NAV1: variants seen among roughly 807,000 people sequenced by gnomAD.
NAV1 encodes the protein neuron navigator 1, also known as pore membrane and/or filament interacting like protein 3.
Under a neutral mutation model 175.2 loss-of-function variants are expected in NAV1, and 18 were observed. The observed-to-expected ratio is 0.10, with a 90% CI of 0.07 to 0.15. The LOEUF is 0.15. NAV1 is among the 10% of genes least tolerant of loss of function. The pLI is 1.00. For synonymous variants in NAV1, 897 were observed against 978.7 expected (o/e 0.92, Z 1.56); for missense variants, 1,731 against 2,436.6 (o/e 0.71, Z 6.10).
chr1:201,667,994 C>T (rs539281552), intron 1 of NAV1, among the ~76,000 whole-genome samples: 1 of 152,306 alleles, frequency 6.6e-6, no homozygotes, highest in South Asian at 2.1e-4. Flanking sequence ...GGCCATAGGC[C>T]CCAGGAAATT....
intron 3 of NAV1, among the ~76,000 whole-genome samples, chr1:201,758,342 G>C (rs549601152): frequency 4.7e-4 from 71 of 152,300 alleles, no homozygotes; most frequent in Non-Finnish European, 8.4e-4. Context: ...TCATATTTAA[G>C]GAAGTACACT....
At chr1:201,678,314 G>A (rs191973379) in intron 1 of NAV1, among the ~76,000 whole-genome samples, 1 of 152,230 alleles carries the variant, frequency 6.6e-6, no homozygotes, top group Non-Finnish European at 1.5e-5. Context: ...TTTCCTGAAA[G>A]CTGCTGATAG....
At chr1:201,719,362 AC>A (rs1672274093) in intron 3 of NAV1, 1 of 152,124 alleles carries the variant, frequency 6.6e-6, no homozygotes, top group East Asian at 2.0e-4. Context: ...TCCTGTGCAA[AC>A]CTTCTACCAA....
intron 1 of NAV1, among the ~76,000 whole-genome samples, chr1:201,693,981 C>T (rs1038954358): frequency 2.0e-4 from 31 of 152,212 alleles, no homozygotes; most frequent in Admixed American, 2.6e-4. Flanking sequence ...CCCCCGGCCT[C>T]CAGCCAGGGC....
intron 2 of NAV1, among the ~76,000 whole-genome samples, chr1:201,635,810 C>T (rs1668603695): frequency 6.6e-6 from 1 of 152,172 alleles, no homozygotes; most frequent in East Asian, 1.9e-4. Flanking sequence ...CTAGGAAATC[C>T]CAACCCCTTG....
chr1:201,571,046 C>G (rs1666527946), intron 1 of NAV1, among the ~76,000 whole-genome samples: 1 of 152,256 alleles, frequency 6.6e-6, no homozygotes, highest in South Asian at 2.1e-4. Flanking sequence ...TTGTCCCTGC[C>G]AAGGGCTGTA....
chr1:201,692,001 G>A (rs1039316405), intron 1 of NAV1, among the ~76,000 whole-genome samples: 4 of 152,144 alleles, frequency 2.6e-5, no homozygotes, highest in Non-Finnish European at 1.5e-5. Context: ...CATTCTTCAC[G>A]CTTTGTGTGT....
chr1:201,651,265 A>T (rs535092956), intron 1 of NAV1, among the ~76,000 whole-genome samples: 27 of 152,012 alleles, frequency 1.8e-4, no homozygotes, highest in Middle Eastern at 3.4e-3. Flanking sequence ...CTTGTTGGGG[A>T]TAACTTAGCT....
chr1:201,744,300 CTATGTATG>C (rs145244423), intron 3 of NAV1, among the ~76,000 whole-genome samples: 3,525 of 150,790 alleles, frequency 0.023, 158 homozygotes, highest in African/African-American at 0.082. Flanking sequence ...GAGCTGACGG[CTATGTATG>C]TATGTATGTA....
chr1:201,731,944 G>C (rs1672876482), intron 3 of NAV1, among the ~76,000 whole-genome samples: 1 of 152,194 alleles, frequency 6.6e-6, no homozygotes, highest in South Asian at 2.1e-4. Flanking sequence ...TCATGCTGGA[G>C]TGAACTTTCC....
At chr1:201,650,501 C>G (rs1400435117) in intron 1 of NAV1, among the ~76,000 whole-genome samples, 1 of 152,192 alleles carries the variant, frequency 6.6e-6, no homozygotes, top group Non-Finnish European at 1.5e-5. Flanking sequence ...ACCCGAGCTT[C>G]CTGGGTACCC....
intron 3 of NAV1, among the ~76,000 whole-genome samples, chr1:201,736,477 T>G (rs1673117827): frequency 6.6e-6 from 1 of 152,160 alleles, no homozygotes; most frequent in African/African-American, 2.4e-5. Context: ...CCATAAACTA[T>G]CTTTCGATGT....
chr1:201,639,016 G>A (rs988006277), intron 2 of NAV1, among the ~76,000 whole-genome samples: 3 of 152,242 alleles, frequency 2.0e-5, no homozygotes, highest in Admixed American at 6.5e-5. Context: ...GCAGAGCGGT[G>A]TGCGATGGGG....
chr1:201,648,654 C>T, exon 1 of NAV1: 2 of 1,377,102 alleles, frequency 1.5e-6, no homozygotes, highest in Non-Finnish European at 1.9e-6. Context: ...CGTCCATGCG[C>T]TCCTCGCGGG....
chr1:201,799,782 C>T (rs1347030913), intron 15 of NAV1, among the ~76,000 whole-genome samples: 1 of 151,664 alleles, frequency 6.6e-6, no homozygotes, highest in Non-Finnish European at 1.5e-5. Context: ...ATTGCTTGAA[C>T]CTGGGAGGCA....
In NAV1 at chr1:201,808,937, C is replaced by T; in HGVS notation, c.4207+66C>T. 6.5e-7 allele frequency: 1 copy of T among 1,545,358 alleles called. No individual in the cohort carries two copies. Among genetic ancestry groups the T allele is most frequent in the East Asian group, 2.3e-5 (1 of 44,414 alleles). ...AAAAGGGCTTATTTCACTGTTACACCATTCCACTTGCTTTGGTCAGGGCGG... is the reference window on the plus strand; with the variant it reads ...AAAAGGGCTTATTTCACTGTTACACTATTCCACTTGCTTTGGTCAGGGCGG... On this transcript the variant is annotated intron_variant, in intron 20 of 29. Transcript: ENST00000367296. This position sits in a 1 kb window ranked among gnomAD's most constrained non-coding sequence, Gnocchi z 5.5.
intron 2 of NAV1, among the ~76,000 whole-genome samples, chr1:201,642,610 C>T (rs1347735445): frequency 3.5e-5 from 5 of 141,410 alleles, no homozygotes; most frequent in East Asian, 2.1e-4. Flanking sequence ...TTTCCTTCCA[C>T]CTTCCTTCCC....
chr1:201,556,613 TG>T (rs938898214), intron 1 of NAV1, among the ~76,000 whole-genome samples: 1 of 151,976 alleles, frequency 6.6e-6, no homozygotes, highest in Non-Finnish European at 1.5e-5. Context: ...GGGAGGGAAC[TG>T]GGGGGCCTTC....
At chr1:201,687,399 C>A (rs1008476516) in intron 1 of NAV1, among the ~76,000 whole-genome samples, 2 of 152,124 alleles carry the variant, frequency 1.3e-5, no homozygotes, top group African/African-American at 4.8e-5. Flanking sequence ...AGCTGAGGCC[C>A]CTCTGGAGAC....
Sources: allele counts gnomAD v4.1 joint callset (sites outside exome capture counted in the v4.1 genomes callset), GRCh38; gene constraint gnomAD v4.1.1; non-coding constraint Gnocchi (gnomAD v3.1); transcripts MANE v1.5; gene names NCBI Gene and HGNC (gene_info 2026-07-23, HGNC 2026-07-21).